GNA14: variants seen among roughly 807,000 people sequenced by gnomAD.
GNA14 encodes the protein guanine nucleotide-binding protein subunit alpha-14.
A neutral mutation model predicts 42.0 loss-of-function variants in GNA14; 50 were observed. The ratio of observed to expected loss-of-function variants is 1.19; its 90% confidence interval spans 0.95 to 1.51. The LOEUF is 1.51. GNA14 is among the 40% of genes most tolerant of loss of function. GNA14 has a pLI of 0.00. For synonymous variants in GNA14, 173 were observed against 163.1 expected (o/e 1.06, Z -0.46); for missense variants, 473 against 446.2 (o/e 1.06, Z -0.54).
intron 1 of GNA14, among the ~76,000 whole-genome samples, chr9:77,610,198 ATG>A (rs1823708087): frequency 6.6e-6 from 1 of 152,104 alleles, no homozygotes; most frequent in African/African-American, 2.4e-5. Context: ...CCTAAAAATC[ATG>A]TATTCTTCCT....
intron 1 of GNA14, among the ~76,000 whole-genome samples, chr9:77,573,430 C>A (rs941937789): frequency 3.3e-5 from 5 of 151,940 alleles, no homozygotes; most frequent in African/African-American, 1.2e-4. Context: ...GCCTGGGCAA[C>A]AAAGTGACAT....
chr9:77,492,351 A>T (rs1836789396), intron 2 of GNA14, among the ~76,000 whole-genome samples: 1 of 151,646 alleles, frequency 6.6e-6, no homozygotes, highest in African/African-American at 2.4e-5. Flanking sequence ...ATTTATTTAT[A>T]AAAAATACAG....
At chr9:77,588,879 C>A (rs1226037088) in intron 1 of GNA14, among the ~76,000 whole-genome samples, 1 of 152,140 alleles carries the variant, frequency 6.6e-6, no homozygotes, top group Non-Finnish European at 1.5e-5. Context: ...GCAGAAAATT[C>A]TTCAAAAGAA....
intron 1 of GNA14, among the ~76,000 whole-genome samples, chr9:77,594,863 C>G (rs538480714): frequency 6.6e-6 from 1 of 152,218 alleles, no homozygotes; most frequent in African/African-American, 2.4e-5. Flanking sequence ...TCCATGCTCA[C>G]TCTAAACACC....
At chr9:77,471,905 A>G (rs566033929) in intron 2 of GNA14, among the ~76,000 whole-genome samples, 149 of 152,354 alleles carry the variant, frequency 9.8e-4, no homozygotes, top group African/African-American at 3.3e-3. Flanking sequence ...AAACAAATAT[A>G]CAAAAGATAA....
intron 2 of GNA14, among the ~76,000 whole-genome samples, chr9:77,490,528 G>A (rs761688485): frequency 3.9e-4 from 60 of 152,248 alleles, no homozygotes; most frequent in East Asian, 7.7e-4. Context: ...GGCCTGCCTC[G>A]CGGGAAGGCA....
intron 5 of GNA14, among the ~76,000 whole-genome samples, chr9:77,426,804 C>T (rs1835460411): frequency 6.6e-6 from 1 of 152,196 alleles, no homozygotes; most frequent in South Asian, 2.1e-4. Context: ...TCTGCTCTTT[C>T]TCAAGTATTT....
chr9:77,584,392 A>G (rs1823269460), intron 1 of GNA14, among the ~76,000 whole-genome samples: 1 of 152,192 alleles, frequency 6.6e-6, no homozygotes, highest in Non-Finnish European at 1.5e-5. Flanking sequence ...TGGGGTGTGC[A>G]ATCAAAGTTT....
chr9:77,580,366 G>T, intron 1 of GNA14: 1 of 324,544 alleles, frequency 3.1e-6, no homozygotes, highest in South Asian at 3.5e-5. Context: ...TGCCTTAGGT[G>T]GGAAGGACAG....
chr9:77,622,083 G>A (rs1039609214), intron 1 of GNA14, among the ~76,000 whole-genome samples: 10 of 152,210 alleles, frequency 6.6e-5, no homozygotes, highest in East Asian at 5.8e-4. Flanking sequence ...AAGCCACTGC[G>A]CCAGGCCTAA....
intron 2 of GNA14, among the ~76,000 whole-genome samples, chr9:77,485,497 A>G (rs1044961783): frequency 5.9e-5 from 9 of 152,196 alleles, no homozygotes; most frequent in African/African-American, 1.9e-4. Context: ...ACTTCCTCTC[A>G]GGAATTACAA....
chr9:77,627,203 T>G (rs1375645937), intron 1 of GNA14, among the ~76,000 whole-genome samples: 1 of 152,096 alleles, frequency 6.6e-6, no homozygotes, highest in Non-Finnish European at 1.5e-5. Flanking sequence ...AATCCCTGAA[T>G]AGACTAATAA....
intron 2 of GNA14, among the ~76,000 whole-genome samples, chr9:77,462,829 G>A (rs971568039): frequency 5.3e-5 from 8 of 152,012 alleles, no homozygotes; most frequent in East Asian, 1.9e-4. Context: ...TCACCTTTTC[G>A]GGTTCAGGGA....
intron 2 of GNA14, among the ~76,000 whole-genome samples, chr9:77,470,001 G>A (rs1286595180): frequency 1.3e-5 from 2 of 152,210 alleles, no homozygotes; most frequent in Admixed American, 6.5e-5. Context: ...TGAGGAAGCA[G>A]ATCTGCTTGG....
At chr9:77,449,846 A>T (rs1835876280) in intron 2 of GNA14, among the ~76,000 whole-genome samples, 2 of 152,250 alleles carry the variant, frequency 1.3e-5, no homozygotes, top group Non-Finnish European at 2.9e-5. Context: ...AAAACGCCAG[A>T]GCATAATCTC....
At position 77,492,198 on chromosome 9, in the gene GNA14, T is replaced by TA. The variant is rs766723127; in HGVS notation, c.309+36870dup. On this transcript the variant is annotated intron_variant, in intron 2 of 6. Transcript: ENST00000341700. ...CATCTATAGCAATAAATGACTATAT[T>TA]AAAAAACTAGAAAGACTTCGCATAA... 1.1e-3 allele frequency among the ~76,000 whole-genome samples: 163 copies of TA among 152,084 alleles called. 1 individual carries two copies. Among genetic ancestry groups the TA allele is most frequent in the Non-Finnish European group, 1.4e-3 (95 of 67,988 alleles).
chr9:77,631,662 A>G (rs1824102240), intron 1 of GNA14, among the ~76,000 whole-genome samples: 1 of 151,714 alleles, frequency 6.6e-6, no homozygotes, highest in Admixed American at 6.6e-5. Flanking sequence ...ACAAAAACAC[A>G]TAATGAGCAT....
chr9:77,462,493 G>A (rs1836125386), intron 2 of GNA14, among the ~76,000 whole-genome samples: 1 of 152,182 alleles, frequency 6.6e-6, no homozygotes. Context: ...GGCTGAGGCG[G>A]GTGGACACGA....
intron 2 of GNA14, among the ~76,000 whole-genome samples, chr9:77,498,237 A>G (rs1836905237): frequency 1.3e-5 from 2 of 151,948 alleles, no homozygotes; most frequent in South Asian, 4.2e-4. Context: ...GTCGGGGGTG[A>G]TGGTGCAGGC....
Sources: gnomAD v4.1 joint callset for allele counts (sites outside exome capture counted in the v4.1 genomes callset) on GRCh38, gnomAD v4.1.1 for gene constraint, MANE v1.5 for transcripts, NCBI Gene and HGNC (gene_info 2026-07-23, HGNC 2026-07-21) for gene names.